Variants in CLMP observed in about 807,000 individuals in gnomAD.
The protein encoded by CLMP is CXADR like cell adhesion molecule.
Under a neutral mutation model 45.2 loss-of-function variants are expected in CLMP, and 27 were observed. The ratio of observed to expected loss-of-function variants is 0.60; its 90% CI spans 0.44 to 0.82. The LOEUF (loss-of-function observed/expected upper bound fraction) is 0.82, where lower values mean the gene tolerates loss of function less well. CLMP is among the 40% of genes least tolerant of loss of function. CLMP has a pLI of 0.00. For missense variants in CLMP, 403 were observed against 448.4 expected (o/e 0.90, Z 0.91); for synonymous variants, 167 against 171.4 (o/e 0.97, Z 0.20).
At chr11:123,075,306 G>C (rs1218709591) in intron 5 of CLMP, among the ~76,000 whole-genome samples, 2 of 151,934 alleles carry the variant, frequency 1.3e-5, no homozygotes, top group African/African-American at 4.8e-5. Flanking sequence ...CTCTCTTATT[G>C]TATGACCAAC....
intron 1 of CLMP, among the ~76,000 whole-genome samples, chr11:123,152,033 A>T (rs1216234832): frequency 6.6e-6 from 1 of 152,150 alleles, no homozygotes; most frequent in Non-Finnish European, 1.5e-5. Context: ...GCAGCCCTCG[A>T]ATCTGCTGGT....
chr11:123,117,744 A>G (rs1860737634), intron 1 of CLMP, among the ~76,000 whole-genome samples: 1 of 152,170 alleles, frequency 6.6e-6, no homozygotes, highest in Non-Finnish European at 1.5e-5. Flanking sequence ...TTCATCCGCT[A>G]TAAATACAAT....
chr11:123,153,984 C>A lies in CLMP; in HGVS notation c.28+40929G>T, dbSNP rs375453319. 1.8e-3 allele frequency among the ~76,000 whole-genome samples: 274 copies of A among 152,202 alleles called. 1 individual carries two copies. Among genetic ancestry groups the A allele is most frequent in the African/African-American group, 6.2e-3 (256 of 41,528 alleles). ...TACAGGCGTGAGCCACCTCTCCTGG[C>A]CTCCCTTTTAATTCTTAGGCTTTTC... On this transcript the variant is annotated intron_variant, in intron 1 of 6. Transcript: ENST00000448775.
chr11:123,117,402 T>G (rs1346154912), intron 1 of CLMP, among the ~76,000 whole-genome samples: 3 of 151,866 alleles, frequency 2.0e-5, no homozygotes, highest in Non-Finnish European at 4.4e-5. Context: ...CCTTTTATCT[T>G]TTTTAAAAAA....
intron 2 of CLMP, among the ~76,000 whole-genome samples, chr11:123,094,746 A>C (rs1865970590): frequency 6.6e-6 from 1 of 152,066 alleles, no homozygotes; most frequent in Non-Finnish European, 1.5e-5. Context: ...TGCACCTGGC[A>C]TATTTATTGG....
chr11:123,182,454 A>G (rs756517261), intron 1 of CLMP, among the ~76,000 whole-genome samples: 2 of 152,268 alleles, frequency 1.3e-5, no homozygotes, highest in African/African-American at 2.4e-5. Context: ...CTCCTTGGAC[A>G]GGGTGAAAAT....
intron 1 of CLMP, among the ~76,000 whole-genome samples, chr11:123,150,083 G>A (rs1388328644): frequency 1.3e-5 from 2 of 151,804 alleles, no homozygotes; most frequent in African/African-American, 4.8e-5. Flanking sequence ...GAGATTACAG[G>A]TATGAGACAC....
At chr11:123,150,531 A>AGGAAGGAAGGAAGGAAG (rs1565397649) in intron 1 of CLMP, among the ~76,000 whole-genome samples, 1 of 85,238 alleles carries the variant, frequency 1.2e-5, no homozygotes, top group Non-Finnish European at 2.4e-5. Flanking sequence ...AAGGAAGGAA[A>AGGAAGGAAGGAAGGAAG]GAAACAAGCA....
At chr11:123,165,543 T>C (rs1162958183) in intron 1 of CLMP, among the ~76,000 whole-genome samples, 1 of 152,198 alleles carries the variant, frequency 6.6e-6, no homozygotes, top group African/African-American at 2.4e-5. Context: ...TTTTTCTGCA[T>C]CCTGGCAGGT....
chr11:123,092,849 C>A (rs907924334), intron 2 of CLMP, among the ~76,000 whole-genome samples: 10 of 144,888 alleles, frequency 6.9e-5, no homozygotes, highest in African/African-American at 2.1e-4. Flanking sequence ...CTGCCCACCT[C>A]GGCCTCCCAA....
chr11:123,141,528 C>A (rs1861159133), intron 1 of CLMP, among the ~76,000 whole-genome samples: 1 of 152,072 alleles, frequency 6.6e-6, no homozygotes, highest in South Asian at 2.1e-4. Context: ...TACAACCCTT[C>A]CTCCTTCCTT....
At chr11:123,152,380 G>A (rs930594351) in intron 1 of CLMP, among the ~76,000 whole-genome samples, 5 of 151,852 alleles carry the variant, frequency 3.3e-5, no homozygotes, top group African/African-American at 4.8e-5. Context: ...AAATGTAGCT[G>A]GGCATGTTGG....
chr11:123,085,595 TAA>T (rs35921171), intron 2 of CLMP, among the ~76,000 whole-genome samples: 1,306 of 82,112 alleles, frequency 0.016, 23 homozygotes, highest in African/African-American at 0.055. Flanking sequence ...GCTACAAAGA[TAA>T]AAAAAAAAAA....
chr11:123,165,692 G>A (rs887360182), intron 1 of CLMP, among the ~76,000 whole-genome samples: 5 of 152,106 alleles, frequency 3.3e-5, no homozygotes, highest in African/African-American at 1.2e-4. Flanking sequence ...CACCGAGCCA[G>A]CTTCAAAAGC....
chr11:123,074,638 C>T, intron 6 of CLMP, 64 bp downstream of exon 6: 1 of 1,482,316 alleles, frequency 6.7e-7, no homozygotes, highest in South Asian at 1.2e-5. Context: ...TTTATGTTGG[C>T]TGGTCACTAT....
At chr11:123,137,147 CT>C (rs375816483) in intron 1 of CLMP, among the ~76,000 whole-genome samples, 1,499 of 82,360 alleles carry the variant, frequency 0.018, 7 homozygotes, top group East Asian at 0.096. Context: ...TTTTCTTTTT[CT>C]TTTTTTTTTT....
At chr11:123,181,999 T>A (rs1301057430) in intron 1 of CLMP, among the ~76,000 whole-genome samples, 1 of 152,232 alleles carries the variant, frequency 6.6e-6, no homozygotes, top group Non-Finnish European at 1.5e-5. Flanking sequence ...TGGGTTATGC[T>A]TCTTTTAGTT....
intron 1 of CLMP, among the ~76,000 whole-genome samples, chr11:123,155,350 A>G (rs1015836159): frequency 6.6e-6 from 1 of 152,160 alleles, no homozygotes; most frequent in Admixed American, 6.5e-5. Flanking sequence ...CCATTGCACA[A>G]GGGAAGTGCT....
At position 123,072,538 on chromosome 11, in the gene CLMP, T is replaced by C. The variant is rs983174167; in HGVS notation, c.*936A>G. On this transcript the variant is annotated 3_prime_UTR_variant, in exon 7 of 7. Transcript: ENST00000448775. ...ACATTTTCTCAGAAAGAAGAGACTA[T>C]AATGGTATGTTGGGTAATCTTTCAG... The C allele has an allele frequency of 6.6e-6, 1 of 152,216 alleles. No individual in the cohort carries two copies. The highest frequency in any genetic ancestry group is 2.4e-5 in the African/African-American group (1 of 41,462). The allele number at this position is 152,216 out of a possible 1,614,324, so 9.4% of individuals were successfully genotyped here. A position where few individuals can be genotyped will look rare whatever the true frequency, so the allele number is the denominator to read the frequency against.
Sources: allele counts gnomAD v4.1 joint callset (sites outside exome capture counted in the v4.1 genomes callset), GRCh38; gene constraint gnomAD v4.1.1; transcripts MANE v1.5; gene names NCBI Gene and HGNC (gene_info 2026-07-23, HGNC 2026-07-21).